The following CREM variants were observed in gnomAD, a reference collection of about 807,000 sequenced individuals.
CREM encodes the protein cAMP responsive element modulator.
CREM carries 13 observed loss-of-function variants against 37.3 expected under a neutral mutation model. The observed-to-expected ratio is 0.35, with a 90% confidence interval of 0.23 to 0.55. The LOEUF (loss-of-function observed/expected upper bound fraction) is 0.55, where lower values mean the gene tolerates loss of function less well. Among genes scored for constraint, CREM ranks in the 20% least tolerant of loss-of-function variants. CREM has a pLI of 0.88. For synonymous variants in CREM, 124 were observed against 120.2 expected, an observed-to-expected ratio of 1.03 and a Z score of -0.21; for missense variants, 296 against 362.3, an observed-to-expected ratio of 0.82 and a Z score of 1.49.
At chr10:35,131,981 C>G (rs368183886) in intron 1 of CREM, among the ~76,000 whole-genome samples, 2 of 152,108 alleles carry the variant, frequency 1.3e-5, no homozygotes, top group South Asian at 4.1e-4. Flanking sequence ...TTTGGGAGGC[C>G]GAGGCGGGCA....
At chr10:35,144,282 G>A (rs1279928937) in intron 2 of CREM, among the ~76,000 whole-genome samples, 1 of 152,152 alleles carries the variant, frequency 6.6e-6, no homozygotes, top group Non-Finnish European at 1.5e-5. Context: ...TATCCTGACT[G>A]ATGTTTAGCT....
intron 6 of CREM, among the ~76,000 whole-genome samples, chr10:35,200,745 T>C (rs2095359323): frequency 6.6e-6 from 1 of 152,174 alleles, no homozygotes; most frequent in East Asian, 1.9e-4. Flanking sequence ...TAAGTTAACC[T>C]CTGCTGCTTA....
chr10:35,176,141 T>C, intron 3 of CREM: 1 of 1,239,838 alleles, frequency 8.1e-7, no homozygotes, highest in East Asian at 2.6e-5. Flanking sequence ...TCTCTTCTCC[T>C]TGCGTAAGGT....
intron 2 of CREM, among the ~76,000 whole-genome samples, chr10:35,146,915 T>G (rs1273403266): frequency 1.3e-5 from 2 of 152,102 alleles, no homozygotes; most frequent in Admixed American, 6.5e-5. Flanking sequence ...ATGTTTTAAT[T>G]CAAAGATCTA....
intron 1 of CREM, chr10:35,127,479 G>C (rs1316953793): frequency 6.6e-6 from 1 of 152,278 alleles, no homozygotes; most frequent in Non-Finnish European, 1.5e-5. Flanking sequence ...GCCTCCTCGC[G>C]AACTTGGGAC....
At chr10:35,142,069 G>C (rs1473595152) in intron 2 of CREM, among the ~76,000 whole-genome samples, 1 of 152,140 alleles carries the variant, frequency 6.6e-6, no homozygotes. Flanking sequence ...AAACTTGGGG[G>C]TATCTAGGAG....
intron 3 of CREM, among the ~76,000 whole-genome samples, chr10:35,149,774 C>T (rs1465319706): frequency 1.3e-5 from 2 of 152,036 alleles, no homozygotes; most frequent in Non-Finnish European, 2.9e-5. Context: ...AAGCTGCCAA[C>T]ACCCACTCGT....
At chr10:35,172,949 A>G (rs1466035050) in intron 3 of CREM, among the ~76,000 whole-genome samples, 2 of 152,210 alleles carry the variant, frequency 1.3e-5, no homozygotes, top group Non-Finnish European at 2.9e-5. Flanking sequence ...TTTTAAGCCA[A>G]AACTTTGAAT....
In CREM at chr10:35,162,728, G is replaced by C. The variant is rs185840583; in HGVS notation, c.168+14237G>C. ...CTAAAATCTTACACAGCCTGCTTCAGGCAGTACTGAAGCCTGGACTTCTCA... is the reference window on the plus strand; with the variant it reads ...CTAAAATCTTACACAGCCTGCTTCACGCAGTACTGAAGCCTGGACTTCTCA... On this transcript the variant is annotated intron_variant, in intron 3 of 7. Coordinates refer to ENST00000685392, the MANE Select transcript of CREM (RefSeq NM_183011.2). Among the ~76,000 whole-genome samples, 128 of 152,212 alleles carry C rather than the reference G, an allele frequency of 8.4e-4. 1 individual carries two copies. Among genetic ancestry groups the C allele is most frequent in the Admixed American group, 5.8e-3 (88 of 15,280 alleles).
At position 35,211,256 on chromosome 10, in the gene CREM, A is replaced by C; in HGVS notation, c.758A>C (p.Glu253Ala). 6 of 1,613,038 alleles carry C rather than the reference A, an allele frequency of 3.7e-6. No individual in the cohort carries two copies. Among genetic ancestry groups the C allele is most frequent in the Non-Finnish European group, 5.1e-6 (6 of 1,179,396 alleles). ...CATTTGCCTTGTGTTGCTTCCAGGG[A>C]AGCTGCCCGGGAGTGTCGCAGGAAG... is the stretch of plus-strand genomic sequence containing the variant. ...KRELRLMKNR[E>A]AARECRRKKK... Residue 253 changes from glutamate to alanine, a missense_variant and splice_region_variant, in exon 8 of 8, where the codon GAA becomes GCA. By Grantham distance (107) the Glu-to-Ala change is moderately radical. Around this residue, in one of 2 missense-constraint regions of CREM, gnomAD observed 39 missense variants for 82.0 expected, o/e 0.48. Coordinates refer to ENST00000685392, the MANE Select transcript of CREM (RefSeq NM_183011.2).
At chr10:35,159,648 T>A (rs1446538567) in intron 3 of CREM, among the ~76,000 whole-genome samples, 1 of 152,198 alleles carries the variant, frequency 6.6e-6, no homozygotes, top group Admixed American at 6.5e-5. Context: ...TCCTTGACAT[T>A]AGTCTGGCCG....
At chr10:35,209,565 T>C (rs1171225740) in intron 7 of CREM, among the ~76,000 whole-genome samples, 2 of 152,210 alleles carry the variant, frequency 1.3e-5, no homozygotes, top group Non-Finnish European at 2.9e-5. Flanking sequence ...GAAGATGAAG[T>C]ATGAGTATTT....
At chr10:35,168,414 C>G (rs1383616798) in intron 3 of CREM, among the ~76,000 whole-genome samples, 1 of 152,206 alleles carries the variant, frequency 6.6e-6, no homozygotes, top group African/African-American at 2.4e-5. Context: ...AGTGTCTGTT[C>G]ATATCCTTCG....
chr10:35,207,292 G>T (rs2095550905), intron 7 of CREM, among the ~76,000 whole-genome samples: 1 of 152,108 alleles, frequency 6.6e-6, no homozygotes, highest in African/African-American at 2.4e-5. Flanking sequence ...CACTTGGGAG[G>T]CTGAGGCAGG....
chr10:35,181,963 A>G (rs2094370280), intron 5 of CREM, among the ~76,000 whole-genome samples: 1 of 152,224 alleles, frequency 6.6e-6, no homozygotes, highest in African/African-American at 2.4e-5. Flanking sequence ...ATTTGAGTCT[A>G]TACAGTATGA....
At position 35,192,811 on chromosome 10, in the gene CREM, C is replaced by T. The variant is rs77407729; in HGVS notation, c.598+4423C>T. Among the ~76,000 whole-genome samples, 879 of 152,262 alleles carry T rather than the reference C, an allele frequency of 5.8e-3. 8 individuals carry two copies. Among genetic ancestry groups the T allele is most frequent in the Admixed American group, 0.014 (209 of 15,294 alleles). On this transcript the variant is annotated intron_variant, in intron 6 of 7. Transcript: ENST00000685392. ...ATACAAACATTCAGTCTATAGCATCCACTCAAAAGCATCCATCAATGTCTG... is the reference window on the plus strand; with the variant it reads ...ATACAAACATTCAGTCTATAGCATCTACTCAAAAGCATCCATCAATGTCTG...
At chr10:35,195,938 C>T (rs2095139037) in intron 6 of CREM, 1 of 878,360 alleles carries the variant, frequency 1.1e-6, no homozygotes, top group African/African-American at 1.7e-5. Context: ...TTAACTAGCT[C>T]ACCACTGCCT....
intron 3 of CREM, among the ~76,000 whole-genome samples, chr10:35,153,842 T>C (rs115185517): frequency 2.1e-4 from 32 of 152,304 alleles, no homozygotes; most frequent in African/African-American, 7.5e-4. Context: ...AGAGAATTAG[T>C]TCTGATATAA....
intron 3 of CREM, chr10:35,175,693 C>A: frequency 6.2e-7 from 1 of 1,614,132 alleles, no homozygotes; most frequent in Non-Finnish European, 8.5e-7. Context: ...AGGACAGTAA[C>A]CACCTCCCGA....
Sources: allele counts gnomAD v4.1 joint callset (sites outside exome capture counted in the v4.1 genomes callset), GRCh38; gene constraint gnomAD v4.1.1; regional missense constraint gnomAD v4.1.1; transcripts MANE v1.5; gene names NCBI Gene and HGNC (gene_info 2026-07-23, HGNC 2026-07-21).